UBA7: variants seen among roughly 807,000 people sequenced by gnomAD.
UBA7 encodes the protein ubiquitin-like modifier-activating enzyme 7.
A neutral mutation model predicts 113.0 loss-of-function variants in UBA7; 88 were observed. The observed-to-expected ratio is 0.78, with a 90% CI of 0.66 to 0.93. The LOEUF (loss-of-function observed/expected upper bound fraction) is 0.93. UBA7 is among the 40% of genes least tolerant of loss of function. The pLI is 0.00. For missense variants in UBA7, 1,092 were observed against 1,266.4 expected, an observed-to-expected ratio of 0.86 and a Z score of 2.09; for synonymous variants, 459 against 513.0, an observed-to-expected ratio of 0.89 and a Z score of 1.42.
Position 49,813,653 on chromosome 3 carries a change from G to A in UBA7, c.57-6C>T. 6.2e-7 allele frequency: 1 copy of A among 1,614,248 alleles called. No homozygotes were observed. The highest frequency in any genetic ancestry group is 8.5e-7 in the Non-Finnish European group (1 of 1,180,044). On this transcript the variant is annotated splice_polypyrimidine_tract_variant and splice_region_variant and intron_variant, in intron 1 of 23. Transcript: ENST00000333486. ...CAGGTGAGCCCAGCACATACCTGTG[G>A]ATGGGAAGCAGAAGGCAAGCAGTTG...
At position 49,812,756 on chromosome 3, in the gene UBA7, G is replaced by A; in HGVS notation, c.468-18C>T. The A allele has an allele frequency of 6.2e-7, 1 of 1,613,638 alleles. No homozygotes were observed. The highest frequency in any genetic ancestry group is 1.1e-5 in the South Asian group (1 of 91,048). On this transcript the variant is annotated intron_variant, in intron 4 of 23. Coordinates refer to ENST00000333486, the MANE Select transcript of UBA7 (RefSeq NM_003335.3). Reference sequence around the variant, plus strand: ...ACAACTGCCTGAGATGGGGTGGTAGGGGTCACTGAGGTGGCTTACAGATTG... The same window carrying A: ...ACAACTGCCTGAGATGGGGTGGTAGAGGTCACTGAGGTGGCTTACAGATTG...
chr3:49,808,252 T>G (rs2081487935), intron 19 of UBA7, 134 bp downstream of exon 19: 3 of 1,507,352 alleles, frequency 2.0e-6, no homozygotes, highest in Non-Finnish European at 2.8e-6. Flanking sequence ...AGGCTGAGGT[T>G]CAGGGAATGT....
Position 49,810,834 on chromosome 3 carries a change from TA to T in UBA7, c.1231-3del, listed in dbSNP as rs762578669. 6.2e-7 allele frequency: 1 copy of T among 1,614,124 alleles called. No homozygotes were observed. Among genetic ancestry groups the T allele is most frequent in the East Asian group, 2.2e-5 (1 of 44,876 alleles). ...TTGCCCATCATAGCGGCTGCCTCTC[TA>T]GGGGACAGAGACGGGGTCAGTGATG... is the stretch of plus-strand genomic sequence containing the variant. On this transcript the variant is annotated splice_polypyrimidine_tract_variant and splice_region_variant and intron_variant, in intron 10 of 23. Coordinates refer to ENST00000333486, the MANE Select transcript of UBA7 (RefSeq NM_003335.3). The surrounding 1 kb of genome is among the most constrained non-coding windows in gnomAD (Gnocchi z 5.6).
rs912517083 is a variant in UBA7, at chr3:49,807,321, A to G, written c.2715+415T>C. On this transcript the variant is annotated intron_variant, in intron 21 of 23. Coordinates refer to ENST00000333486, the MANE Select transcript of UBA7 (RefSeq NM_003335.3). This position sits in a 1 kb window ranked among gnomAD's most constrained non-coding sequence, Gnocchi z 4.0. ...ACCCCACACCTCTAGTGGCAAGCCT[A>G]TTACCTTTTAACTCAGCTTGTAGGA... is the stretch of plus-strand genomic sequence containing the variant. 6.6e-6 allele frequency among the ~76,000 whole-genome samples: 1 copy of G among 152,172 alleles called. No individual in the cohort carries two copies. The highest frequency in any genetic ancestry group is 1.5e-5 in the Non-Finnish European group (1 of 68,020).
chr3:49,809,903 A>C lies in UBA7; in HGVS notation c.1840-24T>G, dbSNP rs1254526802. ...CACTGTGGAGGAGGGAGGAAGAATG[A>C]GGTATCAGGTGGAGAACAGGTCTGC... On this transcript the variant is annotated intron_variant, in intron 14 of 23. Transcript: ENST00000333486. 1.2e-6 allele frequency: 2 copies of C among 1,614,042 alleles called. No individual in the cohort carries two copies. Among genetic ancestry groups the C allele is most frequent in the Non-Finnish European group, 1.7e-6 (2 of 1,180,002 alleles).
Position 49,806,121 on chromosome 3 carries a change from T to A in UBA7, c.2760A>T (p.Pro920=). ...KWTSWDRLKV[P]AGQPERTLES... ...CCAGGGTCCTCTCAGGCTGCCCAGC[T>A]GGTACCTTCAGACGGTCCCAAGAGG... The change falls in exon 22 of 24, where the codon CCA becomes CCT. Residue 920 remains proline (P), a synonymous_variant. Coordinates refer to ENST00000333486, the MANE Select transcript of UBA7 (RefSeq NM_003335.3). 2 of 1,602,432 alleles carry A rather than the reference T, an allele frequency of 1.2e-6. No homozygotes were observed. The highest frequency in any genetic ancestry group is 1.7e-6 in the Non-Finnish European group (2 of 1,175,020).
Position 49,813,878 on chromosome 3 carries a change from G to A in UBA7, c.-91C>T. The stretch of plus-strand genomic sequence containing the variant: ...TGACAGTAGGGGCCAGTGCCCTGCT[G>A]TAGCCAGTGCAAACAGGAACCAAGG... On this transcript the variant is annotated 5_prime_UTR_variant, in exon 1 of 24. Transcript: ENST00000333486. 1 of 1,484,354 alleles carries A rather than the reference G, an allele frequency of 6.7e-7. No homozygotes were observed. Among genetic ancestry groups the A allele is most frequent in the Non-Finnish European group, 9.3e-7 (1 of 1,077,950 alleles). 91.9% of individuals were successfully genotyped at this position (1,484,354 alleles called of 1,614,324 possible).
chr3:49,808,614 A>G lies in UBA7; in HGVS notation c.2348-146T>C, dbSNP rs529901000. 3.4e-5 allele frequency: 29 copies of G among 848,642 alleles called. No individual in the cohort carries two copies. In the East Asian group the frequency reaches 4.5e-4, roughly 13 times the overall value. 52.6% of individuals were successfully genotyped at this position (848,642 alleles called of 1,614,324 possible). ...AGAAGCCCCCTTAATTAATGCTACA[A>G]TCTCCCCTCTAGAAGCCCCAGTCTT... On this transcript the variant is annotated intron_variant, in intron 18 of 23. Coordinates refer to ENST00000333486, the MANE Select transcript of UBA7 (RefSeq NM_003335.3).
At position 49,810,686 on chromosome 3, in the gene UBA7, C is replaced by G; in HGVS notation, c.1312-14G>C. 2 of 1,614,056 alleles carry G rather than the reference C, an allele frequency of 1.2e-6. No individual in the cohort carries two copies. The highest frequency in any genetic ancestry group is 1.7e-6 in the Non-Finnish European group (2 of 1,179,902). On this transcript the variant is annotated splice_polypyrimidine_tract_variant and intron_variant, in intron 11 of 23. Transcript: ENST00000333486. This position sits in a 1 kb window ranked among gnomAD's most constrained non-coding sequence, Gnocchi z 5.6. Reference sequence around the variant, plus strand: ...ACCAGCGCCCACCTGTTGGCAGGAACAGCCTTAGCCAGAGGGGCTGGGCTG... The same window carrying G: ...ACCAGCGCCCACCTGTTGGCAGGAAGAGCCTTAGCCAGAGGGGCTGGGCTG...
chr3:49,811,502 C>T, intron 8 of UBA7, 47 bp from the exon 9 acceptor site: 1 of 1,549,212 alleles, frequency 6.5e-7, no homozygotes, highest in Non-Finnish European at 8.7e-7. Context: ...CTGAGCTCTA[C>T]TCCTGACTCA....
At chr3:49,806,189 C>CA (rs2081448023) in intron 21 of UBA7, 24 bp from the exon 22 acceptor site, 1 of 1,562,646 alleles carries the variant, frequency 6.4e-7, no homozygotes, top group Non-Finnish European at 8.7e-7. Context: ...GAGGAGGAGT[C>CA]AGAGACTTCT....
chr3:49,812,732 C>T lies in UBA7; in HGVS notation c.474G>A (p.Leu158=). 1 of 1,614,214 alleles carries T rather than the reference C, an allele frequency of 6.2e-7. No individual in the cohort carries two copies. Among genetic ancestry groups the T allele is most frequent in the Non-Finnish European group, 8.5e-7 (1 of 1,180,030 alleles). Residue 158 remains leucine (L), a synonymous_variant, in exon 5 of 24, where the codon TTG becomes TTA. Transcript: ENST00000333486. ...AADTRGLVGQ[L]FCDFGEDFTV... is the part of the protein sequence containing the mutation. ...TGAAGTCCTCACCAAAGTCACAGAA[C>T]AACTGCCTGAGATGGGGTGGTAGGG...
Position 49,807,524 on chromosome 3 carries a change from G to C in UBA7, c.2715+212C>G, listed in dbSNP as rs1291617370. Among the ~76,000 whole-genome samples, 2 of 152,198 alleles carry C rather than the reference G, an allele frequency of 1.3e-5. No homozygotes were observed. Among genetic ancestry groups the C allele is most frequent in the Non-Finnish European group, 1.5e-5 (1 of 68,028 alleles). ...CAGCTCCCCCAGATCCTGGGCTTTG[G>C]AGGATTGGGGGTGGGGATGGCTGAC... On this transcript the variant is annotated intron_variant, in intron 21 of 23. Transcript: ENST00000333486. This position sits in a 1 kb window ranked among gnomAD's most constrained non-coding sequence, Gnocchi z 4.0.
chr3:49,809,653 C>G lies in UBA7; in HGVS notation c.1977G>C (p.Leu659=), dbSNP rs780451076. 12 of 1,614,132 alleles carry G rather than the reference C, an allele frequency of 7.4e-6. No individual in the cohort carries two copies. In the Middle Eastern group the frequency reaches 8.2e-4, roughly 111 times the overall value. ...LTLLKPVLGV[L]RVRPQNWQDC... is the part of the protein sequence containing the mutation. ...CTTGCCAGTTCTGTGGACGCACTCT[C>G]AGGACCCCAAGCACTGGCTTCAGTA... is the stretch of plus-strand genomic sequence containing the variant. The change falls in exon 16 of 24, where the codon CTG becomes CTC. Residue 659 remains leucine (L), a synonymous_variant. Transcript: ENST00000333486.
chr3:49,812,078 G>T (rs1319271413), intron 7 of UBA7, 31 bp downstream of exon 7: 1 of 1,614,200 alleles, frequency 6.2e-7, no homozygotes, highest in East Asian at 2.2e-5. Flanking sequence ...AGGCGACCAA[G>T]CTCCCCTACC....
At chr3:49,812,340 G>C (rs141910877) in intron 6 of UBA7, 68 bp downstream of exon 6, 1 of 1,611,376 alleles carries the variant, frequency 6.2e-7, no homozygotes, top group East Asian at 2.2e-5. Context: ...CATCCCAAGG[G>C]CCAGGCTGTG....
Position 49,810,472 on chromosome 3 carries a change from A to G in UBA7, c.1468-44T>C, listed in dbSNP as rs1210772683. 8 of 1,613,850 alleles carry G rather than the reference A, an allele frequency of 5.0e-6. No individual in the cohort carries two copies. Among genetic ancestry groups the G allele is most frequent in the Non-Finnish European group, 6.8e-6 (8 of 1,179,914 alleles). Reference sequence around the variant, plus strand: ...GATGTTGGGTGGGAAGCTGTATGGGAGGACGGTCTGGGATGCAGGAGTGTG... The same window carrying G: ...GATGTTGGGTGGGAAGCTGTATGGGGGGACGGTCTGGGATGCAGGAGTGTG... On this transcript the variant is annotated intron_variant, in intron 12 of 23. Coordinates refer to ENST00000333486, the MANE Select transcript of UBA7 (RefSeq NM_003335.3). The surrounding 1 kb of genome is among the most constrained non-coding windows in gnomAD (Gnocchi z 5.6).
At chr3:49,813,672 G>A (rs753984714) in intron 1 of UBA7, 25 bp from the exon 2 acceptor site, 2 of 1,614,256 alleles carry the variant, frequency 1.2e-6, no homozygotes, top group Admixed American at 3.3e-5. Flanking sequence ...CAGAAGGCAA[G>A]CAGTTGTAGA....
rs554429106 is a variant in UBA7 at position 49,812,414 on chromosome 3, C to G, written c.688G>C (p.Val230Leu). 1 of 1,614,096 alleles carries G rather than the reference C, an allele frequency of 6.2e-7. No individual in the cohort carries two copies. Among genetic ancestry groups the G allele is most frequent in the African/African-American group, 1.3e-5 (1 of 74,942 alleles). Residue 230 changes from valine to leucine, a missense_variant, in exon 6 of 24, where the codon GTG (valine) becomes CTG (leucine). Val to Leu is a conservative substitution (Grantham distance 32, BLOSUM62 1). Around this residue, in one of 3 missense-constraint regions of UBA7, gnomAD observed 584 missense variants for 714.5 expected, o/e 0.82. Coordinates refer to ENST00000333486, the MANE Select transcript of UBA7 (RefSeq NM_003335.3). Reference protein sequence around the residue: ...LNDCDPRSIHVREDGSLEIGD... With the variant: ...LNDCDPRSIHLREDGSLEIGD... ...TGGAATGGGATTGGCTTACCCCGCA[C>G]GTGGATAGACCGGGGATCACAGTCG...
Sources: gnomAD v4.1 joint callset for allele counts (sites outside exome capture counted in the v4.1 genomes callset) on GRCh38, gnomAD v4.1.1 for gene constraint, gnomAD v4.1.1 regional missense constraint, Gnocchi (gnomAD v3.1) non-coding constraint, MANE v1.5 for transcripts, NCBI Gene and HGNC (gene_info 2026-07-23, HGNC 2026-07-21) for gene names.